Variants in RAB7A observed in about 807,000 individuals in gnomAD.
RAB7A encodes ras-related protein Rab-7a.
Under a neutral mutation model 24.5 loss-of-function variants are expected in RAB7A, and 2 were observed. The ratio of observed to expected loss-of-function variants is 0.08; its 90% CI spans 0.03 to 0.26. The LOEUF is 0.26. Among genes scored for constraint, RAB7A ranks in the 10% least tolerant of loss-of-function variants. The pLI is 1.00. For missense variants in RAB7A, 118 were observed against 255.7 expected (o/e 0.46, Z 3.67); for synonymous variants, 100 against 95.9 (o/e 1.04, Z -0.25).
chr3:128,759,990 G>A (rs1431745247), intron 1 of RAB7A, among the ~76,000 whole-genome samples: 3 of 152,096 alleles, frequency 2.0e-5, no homozygotes, highest in Non-Finnish European at 4.4e-5. Flanking sequence ...GATTATAGGC[G>A]TGAACCACCA....
intron 1 of RAB7A, among the ~76,000 whole-genome samples, chr3:128,729,431 G>A (rs989298653): frequency 6.6e-5 from 10 of 152,044 alleles, no homozygotes; most frequent in Non-Finnish European, 1.3e-4. Context: ...TTAGCCGGGC[G>A]TGGTGGCGGG....
At chr3:128,757,004 C>T (rs188227306) in intron 1 of RAB7A, among the ~76,000 whole-genome samples, 58 of 152,094 alleles carry the variant, frequency 3.8e-4, no homozygotes, top group Non-Finnish European at 5.0e-4. Context: ...CCACCACGCC[C>T]GGCTCATTTT....
At position 128,813,387 on chromosome 3, in the gene RAB7A, C is replaced by A; in HGVS notation, c.589C>A (p.Arg197=). 1.9e-6 allele frequency: 3 copies of A among 1,614,166 alleles called. No individual in the cohort carries two copies. The highest frequency in any genetic ancestry group is 2.5e-6 in the Non-Finnish European group (3 of 1,180,034). ...PEPIKLDKND[R]AKASAESCSC ...ACCTATCAAACTGGACAAGAATGAC[C>A]GGGCCAAGGCCTCGGCAGAAAGCTG... Residue 197 remains arginine (R), a synonymous_variant, in exon 6 of 6, where the codon CGG becomes AGG. Coordinates refer to ENST00000265062, the MANE Select transcript of RAB7A (RefSeq NM_004637.6).
chr3:128,778,055 A>G (rs1422598896), intron 1 of RAB7A, among the ~76,000 whole-genome samples: 1 of 152,152 alleles, frequency 6.6e-6, no homozygotes, highest in South Asian at 2.1e-4. Context: ...GGGAAAGAAG[A>G]TGGTGTAGAT....
chr3:128,750,177 A>G (rs913447926), intron 1 of RAB7A, among the ~76,000 whole-genome samples: 3 of 152,252 alleles, frequency 2.0e-5, no homozygotes, highest in African/African-American at 7.2e-5. Flanking sequence ...TTTAGCAAAA[A>G]GACTGGTGGC....
chr3:128,736,572 C>A (rs1255277592), intron 1 of RAB7A, among the ~76,000 whole-genome samples: 1 of 152,000 alleles, frequency 6.6e-6, no homozygotes, highest in Non-Finnish European at 1.5e-5. Flanking sequence ...GCTGTCTTGG[C>A]AAAGGGAAAA....
chr3:128,733,245 T>C (rs1236841533), intron 1 of RAB7A, among the ~76,000 whole-genome samples: 1 of 152,178 alleles, frequency 6.6e-6, no homozygotes, highest in African/African-American at 2.4e-5. Flanking sequence ...TCTTCTGATT[T>C]CTAGAACTGT....
intron 1 of RAB7A, among the ~76,000 whole-genome samples, chr3:128,766,967 T>G (rs1009690320): frequency 1.3e-5 from 2 of 152,102 alleles, no homozygotes; most frequent in South Asian, 4.1e-4. Flanking sequence ...ACTCGTTTTC[T>G]GTTTTTTTTT....
At chr3:128,732,024 C>A (rs1349556156) in intron 1 of RAB7A, among the ~76,000 whole-genome samples, 1 of 148,084 alleles carries the variant, frequency 6.8e-6, no homozygotes, top group Non-Finnish European at 1.5e-5. Flanking sequence ...AAAAGTGTCT[C>A]TTTCTTCCAC....
At chr3:128,768,964 CTTT>C (rs2070858736) in intron 1 of RAB7A, among the ~76,000 whole-genome samples, 3 of 105,460 alleles carry the variant, frequency 2.8e-5, no homozygotes, top group African/African-American at 4.0e-5. Flanking sequence ...TTCTTTCTTT[CTTT>C]CCTTTTTTTT....
chr3:128,766,192 C>G (rs1322505547), intron 1 of RAB7A, among the ~76,000 whole-genome samples: 2 of 152,232 alleles, frequency 1.3e-5, no homozygotes, highest in African/African-American at 4.8e-5. Context: ...AACATGAACT[C>G]TGATATGCTC....
At chr3:128,758,059 C>T (rs1021277379) in intron 1 of RAB7A, among the ~76,000 whole-genome samples, 4 of 152,000 alleles carry the variant, frequency 2.6e-5, no homozygotes, top group African/African-American at 9.7e-5. Context: ...AAGTTCTGGG[C>T]TCAAGCAGTC....
At chr3:128,768,031 C>G (rs929291527) in intron 1 of RAB7A, among the ~76,000 whole-genome samples, 1 of 152,084 alleles carries the variant, frequency 6.6e-6, no homozygotes, top group East Asian at 1.9e-4. Context: ...ATGAACAAAT[C>G]CATTACCCTG....
chr3:128,757,896 C>T (rs9821206), intron 1 of RAB7A, among the ~76,000 whole-genome samples: 8,123 of 152,214 alleles, frequency 0.053, 630 homozygotes, highest in African/African-American at 0.17. Flanking sequence ...TGGGCTTAAG[C>T]AGTCTTCCTG....
chr3:128,775,149 G>A (rs377105495), intron 1 of RAB7A, among the ~76,000 whole-genome samples: 3 of 152,214 alleles, frequency 2.0e-5, no homozygotes, highest in Admixed American at 2.0e-4. Context: ...GAGAGCCCTG[G>A]TTGGGGTCCT....
intron 1 of RAB7A, among the ~76,000 whole-genome samples, chr3:128,758,616 T>C (rs908230684): frequency 2.6e-5 from 4 of 152,158 alleles, no homozygotes; most frequent in South Asian, 2.1e-4. Context: ...TGTAGTGACA[T>C]TCATCAAGAA....
intron 3 of RAB7A, chr3:128,799,246 C>CT (rs71153148): frequency 0.22 from 32,449 of 145,442 alleles, 5,027 homozygotes; most frequent in African/African-American, 0.44. Flanking sequence ...CTGTTACTCA[C>CT]TTTTTTTTTT....
At chr3:128,803,511 G>A (rs897065460) in intron 3 of RAB7A, among the ~76,000 whole-genome samples, 20 of 152,180 alleles carry the variant, frequency 1.3e-4, no homozygotes, top group African/African-American at 4.6e-4. Context: ...GCTCCCCAGT[G>A]TTGAACATAG....
At chr3:128,799,820 T>TATA (rs1035392111) in intron 3 of RAB7A, among the ~76,000 whole-genome samples, 1 of 152,118 alleles carries the variant, frequency 6.6e-6, no homozygotes, top group Admixed American at 6.5e-5. Flanking sequence ...TTAACATAAA[T>TATA]CCCTGTCATT....
Sources: gnomAD v4.1 joint callset for allele counts (sites outside exome capture counted in the v4.1 genomes callset) on GRCh38, gnomAD v4.1.1 for gene constraint, MANE v1.5 for transcripts, NCBI Gene and HGNC (gene_info 2026-07-23, HGNC 2026-07-21) for gene names.